THSD4: variants seen among roughly 807,000 people sequenced by gnomAD.
The protein encoded by THSD4 is thrombospondin type-1 domain-containing protein 4.
THSD4 carries 69 observed loss-of-function variants against 119.0 expected under a neutral mutation model. The observed-to-expected ratio is 0.58, with a 90% CI of 0.48 to 0.71. The LOEUF is 0.71. THSD4 is among the 30% of genes least tolerant of loss of function. The pLI, the probability that THSD4 is intolerant of heterozygous loss-of-function variation, is 0.00. For missense variants in THSD4, 1,393 were observed against 1,391.1 expected, an observed-to-expected ratio of 1.00 and a Z score of -0.02; for synonymous variants, 524 against 540.4, an observed-to-expected ratio of 0.97 and a Z score of 0.42.
intron 7 of THSD4, among the ~76,000 whole-genome samples, chr15:71,560,123 C>T (rs1232729735): frequency 6.6e-6 from 1 of 152,058 alleles, no homozygotes; most frequent in Non-Finnish European, 1.5e-5. Flanking sequence ...AATTTATTTA[C>T]TTTAGCTTAG....
chr15:71,104,428 T>G (rs1438304189), intron 1 of THSD4, among the ~76,000 whole-genome samples: 1 of 152,170 alleles, frequency 6.6e-6, no homozygotes, highest in East Asian at 1.9e-4. Context: ...TTAATTCGAT[T>G]TTGACACTGT....
intron 7 of THSD4, among the ~76,000 whole-genome samples, chr15:71,522,913 G>A (rs1449870861): frequency 2.6e-5 from 4 of 152,202 alleles, no homozygotes; most frequent in Non-Finnish European, 5.9e-5. Flanking sequence ...TGGGACTTCA[G>A]TCTGAACCAC....
intron 17 of THSD4, among the ~76,000 whole-genome samples, chr15:71,771,942 G>C (rs576322058): frequency 6.6e-6 from 1 of 152,130 alleles, no homozygotes; most frequent in Non-Finnish European, 1.5e-5. Flanking sequence ...AAGGCACCTC[G>C]CACATAGATT....
chr15:71,247,791 G>C (rs1445035447), intron 5 of THSD4, among the ~76,000 whole-genome samples: 1 of 152,164 alleles, frequency 6.6e-6, no homozygotes, highest in African/African-American at 2.4e-5. Context: ...TTCTTGATGA[G>C]GGCTAAAAGT....
rs192992092 is a variant in THSD4 at position 71,485,161 on chromosome 15, T to C, written c.1152+73338T>C. Among the ~76,000 whole-genome samples the C allele has an allele frequency of 3.1e-4, 47 of 152,290 alleles. 1 individual carries two copies. The highest frequency in any genetic ancestry group is 2.5e-3 in the Admixed American group (38 of 15,302). ...GCTATCCTCATTAATGCTGATGGCT[T>C]TTTCTAGGCCCCACTGGCTCCACAT... On this transcript the variant is annotated intron_variant, in intron 7 of 17. Coordinates refer to ENST00000261862, the MANE Select transcript of THSD4 (RefSeq NM_024817.3).
chr15:71,337,465 C>T (rs1165598651), intron 6 of THSD4, among the ~76,000 whole-genome samples: 1 of 152,238 alleles, frequency 6.6e-6, no homozygotes, highest in Non-Finnish European at 1.5e-5. Context: ...CCTTGTGAGC[C>T]AAACCCTAGC....
chr15:71,772,074 A>T (rs1043508770), intron 17 of THSD4, among the ~76,000 whole-genome samples: 1 of 152,232 alleles, frequency 6.6e-6, no homozygotes, highest in African/African-American at 2.4e-5. Flanking sequence ...TGGTTCCAGA[A>T]TGGAGGTGCA....
chr15:71,706,183 G>A (rs924732039), intron 8 of THSD4, among the ~76,000 whole-genome samples: 8 of 152,202 alleles, frequency 5.3e-5, no homozygotes, highest in East Asian at 1.9e-4. Flanking sequence ...GCACCAACCT[G>A]GGGTGTGGAA....
chr15:71,339,220 T>A (rs140801358), intron 6 of THSD4, among the ~76,000 whole-genome samples: 1 of 152,194 alleles, frequency 6.6e-6, no homozygotes. Flanking sequence ...TTTTTCAGTG[T>A]TCTATGCTGA....
rs148178001 is a variant in THSD4, at chr15:71,149,416, T to G, written c.30-5447T>G. ...ACACACCACCACGCCCAGCTAATTT[T>G]TGTATTTTTAGTAGAGACGGGGTTT... On this transcript the variant is annotated intron_variant, in intron 2 of 17. Transcript: ENST00000261862. 2.6e-4 allele frequency among the ~76,000 whole-genome samples: 39 copies of G among 152,136 alleles called. 1 individual carries two copies. The highest frequency in any genetic ancestry group is 5.1e-4 in the African/African-American group (21 of 41,500).
At chr15:71,406,129 A>AT (rs1412457892) in intron 6 of THSD4, among the ~76,000 whole-genome samples, 1 of 151,436 alleles carries the variant, frequency 6.6e-6, no homozygotes, top group African/African-American at 2.4e-5. Flanking sequence ...TTTCTTGATT[A>AT]TTTAGGAGTA....
chr15:71,660,634 G>T lies in THSD4; in HGVS notation c.1257G>T (p.Lys419Asn). The T allele has an allele frequency of 6.2e-7, 1 of 1,614,198 alleles. No individual in the cohort carries two copies. Among genetic ancestry groups the T allele is most frequent in the Non-Finnish European group, 8.5e-7 (1 of 1,180,020 alleles). ...TGCQVVSGVF[K>N]HALTSLGYHR... ...GTCAGGTTGTGTCGGGCGTGTTTAA[G>T]CATGCCCTCACCAGCCTGGGCTACC... Residue 419 changes from lysine (K) to asparagine (N), a missense_variant, in exon 8 of 18, where the codon AAG becomes AAT. Physicochemically the swap from Lys to Asn is moderately conservative, Grantham distance 94 (BLOSUM62 0). Transcript: ENST00000261862.
Position 71,484,340 on chromosome 15 carries a change from A to G in THSD4, c.1152+72517A>G, listed in dbSNP as rs552555230. Among the ~76,000 whole-genome samples, 3 of 152,340 alleles carry G rather than the reference A, an allele frequency of 2.0e-5. No individual in the cohort carries two copies. In the East Asian group the frequency reaches 5.8e-4, roughly 29 times the overall value. ...ACATGCTGCTGTTTTCATGAGTAAG[A>G]TCTGAAGAAGAAACTGGCCCTGGGT... On this transcript the variant is annotated intron_variant, in intron 7 of 17. Coordinates refer to ENST00000261862, the MANE Select transcript of THSD4 (RefSeq NM_024817.3).
At chr15:71,405,340 C>T (rs1231975417) in intron 6 of THSD4, among the ~76,000 whole-genome samples, 1 of 152,176 alleles carries the variant, frequency 6.6e-6, no homozygotes, top group East Asian at 1.9e-4. Context: ...ATTGTTGGGT[C>T]ATGTGGTAGC....
intron 7 of THSD4, among the ~76,000 whole-genome samples, chr15:71,454,529 C>T (rs2047310750): frequency 6.6e-6 from 1 of 152,112 alleles, no homozygotes; most frequent in South Asian, 2.1e-4. Flanking sequence ...TGTGACACCT[C>T]GCTCTTAAGA....
intron 3 of THSD4, among the ~76,000 whole-genome samples, chr15:71,209,804 T>C (rs116316206): frequency 1.6e-4 from 25 of 152,274 alleles, no homozygotes; most frequent in African/African-American, 5.8e-4. Context: ...GGCAACTGAA[T>C]CATGGGGGCG....
At chr15:71,235,153 A>G (rs1397573873) in intron 4 of THSD4, among the ~76,000 whole-genome samples, 2 of 152,224 alleles carry the variant, frequency 1.3e-5, no homozygotes, top group African/African-American at 2.4e-5. Context: ...CTTTGTATCA[A>G]TGCCAGGAGA....
chr15:71,426,567 A>G (rs1483590300), intron 7 of THSD4, among the ~76,000 whole-genome samples: 3 of 152,142 alleles, frequency 2.0e-5, no homozygotes, highest in Non-Finnish European at 4.4e-5. Context: ...TTTTAGTCCA[A>G]TGAAACCAAG....
intron 8 of THSD4, among the ~76,000 whole-genome samples, chr15:71,683,608 T>C (rs2051843706): frequency 6.6e-6 from 1 of 152,192 alleles, no homozygotes; most frequent in East Asian, 1.9e-4. Flanking sequence ...ATGTGATCCT[T>C]GAATTCCAAC....
Sources: gnomAD v4.1 joint callset for allele counts (sites outside exome capture counted in the v4.1 genomes callset) on GRCh38, gnomAD v4.1.1 for gene constraint, MANE v1.5 for transcripts, NCBI Gene and HGNC (gene_info 2026-07-23, HGNC 2026-07-21) for gene names.